TMEM132D: variants seen among roughly 807,000 people sequenced by gnomAD.
TMEM132D encodes the protein transmembrane protein 132D.
A neutral mutation model predicts 62.3 loss-of-function variants in TMEM132D; 21 were observed. That is an observed-to-expected ratio of 0.34 (90% CI 0.24 to 0.49). The LOEUF is 0.49. TMEM132D is among the 20% of genes least tolerant of loss of function. TMEM132D has a pLI of 0.99. For synonymous variants in TMEM132D, 621 were observed against 575.6 expected, an observed-to-expected ratio of 1.08 and a Z score of -1.13; for missense variants, 1,346 against 1,402.8, an observed-to-expected ratio of 0.96 and a Z score of 0.65.
intron 5 of TMEM132D, among the ~76,000 whole-genome samples, chr12:129,103,480 AG>A (rs921659409): frequency 2.8e-4 from 42 of 151,536 alleles, no homozygotes; most frequent in South Asian, 2.3e-3. Flanking sequence ...AGCCCCATCC[AG>A]ACACACAGGG....
intron 3 of TMEM132D, among the ~76,000 whole-genome samples, chr12:129,374,247 T>C (rs995567288): frequency 2.4e-5 from 3 of 125,770 alleles, no homozygotes; most frequent in Non-Finnish European, 5.0e-5. Flanking sequence ...AGGCAGTGCC[T>C]TCTCACTGTA....
At chr12:129,710,694 A>G (rs982066905) in intron 1 of TMEM132D, among the ~76,000 whole-genome samples, 2 of 152,196 alleles carry the variant, frequency 1.3e-5, no homozygotes, top group African/African-American at 4.8e-5. Flanking sequence ...TGTCTTTCTT[A>G]GGATCACTTT....
chr12:129,499,712 G>T (rs1875068787), intron 3 of TMEM132D, among the ~76,000 whole-genome samples: 1 of 152,172 alleles, frequency 6.6e-6, no homozygotes, highest in Non-Finnish European at 1.5e-5. Flanking sequence ...GCTTGGGAAA[G>T]TCCACTTCAG....
At chr12:129,397,588 T>A (rs1227549840) in intron 3 of TMEM132D, among the ~76,000 whole-genome samples, 1 of 152,168 alleles carries the variant, frequency 6.6e-6, no homozygotes, top group Non-Finnish European at 1.5e-5. Flanking sequence ...AACTGGGAAC[T>A]TAGAATTCAG....
intron 3 of TMEM132D, among the ~76,000 whole-genome samples, chr12:129,468,896 A>T (rs1232297717): frequency 6.6e-6 from 1 of 152,212 alleles, no homozygotes; most frequent in African/African-American, 2.4e-5. Context: ...TTCCAGATGG[A>T]AACAGATGTT....
chr12:129,447,668 G>A (rs1873141033), intron 3 of TMEM132D, among the ~76,000 whole-genome samples: 1 of 152,198 alleles, frequency 6.6e-6, no homozygotes, highest in African/African-American at 2.4e-5. Flanking sequence ...AATGATGTCT[G>A]TGCACTGTAC....
At chr12:129,366,546 C>A (rs1204493932) in intron 3 of TMEM132D, among the ~76,000 whole-genome samples, 1 of 152,204 alleles carries the variant, frequency 6.6e-6, no homozygotes, top group Non-Finnish European at 1.5e-5. Context: ...GAACCACGAG[C>A]AAATTAAACC....
At chr12:129,537,227 C>T (rs1876421890) in intron 2 of TMEM132D, among the ~76,000 whole-genome samples, 1 of 150,862 alleles carries the variant, frequency 6.6e-6, no homozygotes, top group Non-Finnish European at 1.5e-5. Flanking sequence ...TACAGTTGAA[C>T]CATGGGTTGG....
At chr12:129,508,379 T>A (rs1875403138) in intron 3 of TMEM132D, among the ~76,000 whole-genome samples, 2 of 152,226 alleles carry the variant, frequency 1.3e-5, no homozygotes, top group South Asian at 4.1e-4. Flanking sequence ...GCATGAATTG[T>A]GTGCTAGCTG....
chr12:129,559,111 TAAATGTC>T (rs1438361488), intron 2 of TMEM132D, among the ~76,000 whole-genome samples: 2 of 152,228 alleles, frequency 1.3e-5, no homozygotes. Flanking sequence ...TCAGCATCCC[TAAATGTC>T]TTACAGGGCT....
chr12:129,819,917 G>A lies in TMEM132D; in HGVS notation c.79+83344C>T, dbSNP rs141754524. ...GGAGACGCAGTGTCCTGGAGCTGAG[G>A]CTGGAGCAGGGGACAGAATTCCAAG... On this transcript the variant is annotated intron_variant, in intron 1 of 8. Coordinates refer to ENST00000422113, the MANE Select transcript of TMEM132D (RefSeq NM_133448.3). Among the ~76,000 whole-genome samples the A allele has an allele frequency of 5.2e-3, 792 of 152,256 alleles. 8 individuals are homozygous for A. Among genetic ancestry groups the A allele is most frequent in the Middle Eastern group, 0.02 (6 of 294 alleles).
At chr12:129,564,508 C>T (rs1427368513) in intron 2 of TMEM132D, among the ~76,000 whole-genome samples, 1 of 152,172 alleles carries the variant, frequency 6.6e-6, no homozygotes, top group Non-Finnish European at 1.5e-5. Flanking sequence ...TTATCTTGAG[C>T]GTCTGCTATT....
At chr12:129,843,080 A>G (rs1185756072) in intron 1 of TMEM132D, among the ~76,000 whole-genome samples, 1 of 152,202 alleles carries the variant, frequency 6.6e-6, no homozygotes, top group Non-Finnish European at 1.5e-5. Context: ...AGTCTCTAAC[A>G]ATGTTACGAA....
chr12:129,433,223 G>A (rs138921942), intron 3 of TMEM132D, among the ~76,000 whole-genome samples: 33 of 152,208 alleles, frequency 2.2e-4, no homozygotes, highest in African/African-American at 7.7e-4. Context: ...GGACATTCTT[G>A]CCCATGTCTT....
intron 1 of TMEM132D, among the ~76,000 whole-genome samples, chr12:129,830,632 T>G (rs1349933135): frequency 2.0e-5 from 3 of 152,084 alleles, no homozygotes; most frequent in African/African-American, 7.2e-5. Flanking sequence ...AAAACCAAGC[T>G]GGGCCCCAAC....
chr12:129,285,849 C>T (rs1170155962), intron 4 of TMEM132D, among the ~76,000 whole-genome samples: 3 of 152,154 alleles, frequency 2.0e-5, no homozygotes, highest in Non-Finnish European at 4.4e-5. Context: ...TCCACTTCCC[C>T]CATCAGTCCA....
intron 1 of TMEM132D, among the ~76,000 whole-genome samples, chr12:129,775,454 A>G (rs905242144): frequency 3.3e-5 from 5 of 152,162 alleles, no homozygotes; most frequent in Non-Finnish European, 7.4e-5. Flanking sequence ...AAGCTGCCAG[A>G]GAAAAGTACA....
rs188378835 is a variant in TMEM132D at position 129,385,337 on chromosome 12, C to T, written c.1116-47520G>A. Among the ~76,000 whole-genome samples, 44 of 151,982 alleles carry T rather than the reference C, an allele frequency of 2.9e-4. 2 individuals are homozygous for T. The highest frequency in any genetic ancestry group is 2.7e-3 in the Admixed American group (41 of 15,268). On this transcript the variant is annotated intron_variant, in intron 3 of 8. Coordinates refer to ENST00000422113, the MANE Select transcript of TMEM132D (RefSeq NM_133448.3). The stretch of plus-strand genomic sequence containing the variant: ...GCCAAGCTGGTCTCAAACTCCTGAC[C>T]CCAGGTGATCCGCCCACCTCGGCCT...
intron 1 of TMEM132D, among the ~76,000 whole-genome samples, chr12:129,780,219 C>CGCTGTGT (rs1180393597): frequency 6.6e-6 from 1 of 151,932 alleles, no homozygotes; most frequent in Non-Finnish European, 1.5e-5. Context: ...CTCCCCGTCC[C>CGCTGTGT]GCTGTGTGCT....
Sources: allele counts gnomAD v4.1 joint callset (sites outside exome capture counted in the v4.1 genomes callset), GRCh38; gene constraint gnomAD v4.1.1; transcripts MANE v1.5; gene names NCBI Gene and HGNC (gene_info 2026-07-23, HGNC 2026-07-21).